The following TVP23A variants were observed in gnomAD, a reference collection of about 807,000 sequenced individuals.
TVP23A encodes the protein trans-golgi network vesicle protein 23 homolog A.
TVP23A carries 21 observed loss-of-function variants against 31.7 expected under a neutral mutation model. The ratio of observed to expected loss-of-function variants is 0.66; its 90% CI spans 0.47 to 0.95. The LOEUF (loss-of-function observed/expected upper bound fraction) is 0.95, where lower values mean the gene tolerates loss of function less well. TVP23A is among the 40% of genes least tolerant of loss of function. The probability of loss-of-function intolerance (pLI) is 0.00; values close to 1 mark genes in which losing one functional copy is unlikely to be tolerated. For synonymous variants in TVP23A, 104 were observed against 96.0 expected (o/e 1.08, Z -0.49); for missense variants, 279 against 255.6 (o/e 1.09, Z -0.62).
chr16:10,758,078 A>G (rs371386874), downstream of TVP23A: 1,285 of 1,588,280 alleles, frequency 8.1e-4, 10 homozygotes, highest in East Asian at 9.0e-4. Flanking sequence ...CCACACTGTG[A>G]GATTTCTTTC....
rs182223069 is a variant in TVP23A at position 10,787,628 on chromosome 16, T to C, written c.90-12532A>G. Among the ~76,000 whole-genome samples, 5 of 152,302 alleles carry C rather than the reference T, an allele frequency of 3.3e-5. No individual in the cohort carries two copies. The East Asian group carries it at 9.7e-4, about 29-fold the overall frequency. ...TGTGGGCTCTATGTAAATCAGACAC[T>C]GCCTCCTTAAGCCTGTCTATAAAAT... On this transcript the variant is annotated intron_variant, in intron 2 of 7. Transcript: ENST00000299866.
rs969812242 is a variant in TVP23A, at chr16:10,789,665, T to TAAA, written c.90-14572_90-14570dup. On this transcript the variant is annotated intron_variant, in intron 2 of 7. Coordinates refer to ENST00000299866, the MANE Select transcript of TVP23A (RefSeq NM_001079512.4). ...TCAACACGTGAAACCCCATCTCTAC[T>TAAA]AAAAAAAAAAAAAAAAAAAAAAAGC... Among the ~76,000 whole-genome samples, 88 of 55,316 alleles carry TAAA rather than the reference T, an allele frequency of 1.6e-3. 3 individuals carry two copies. The highest frequency in any genetic ancestry group is 4.0e-3 in the African/African-American group (56 of 14,048). 36.3% of individuals were successfully genotyped at this position (55,316 alleles called of 152,430 possible).
chr16:10,801,559 C>T (rs1195687279), intron 2 of TVP23A, among the ~76,000 whole-genome samples: 2 of 152,068 alleles, frequency 1.3e-5, no homozygotes, highest in East Asian at 1.9e-4. Flanking sequence ...TGGGTTCAAG[C>T]GATTCTCATC....
downstream of TVP23A, chr16:10,761,693 T>C: frequency 7.8e-7 from 1 of 1,275,100 alleles, no homozygotes; most frequent in Non-Finnish European, 1.1e-6. Context: ...TTCTTTAAAA[T>C]GTGGTCCATC....
At chr16:10,801,947 G>A (rs2033713444) in intron 2 of TVP23A, among the ~76,000 whole-genome samples, 1 of 152,028 alleles carries the variant, frequency 6.6e-6, no homozygotes, top group African/African-American at 2.4e-5. Flanking sequence ...AAGGCAGGAG[G>A]ATTGCTTGAG....
At chr16:10,799,096 C>T (rs908111599) in intron 2 of TVP23A, among the ~76,000 whole-genome samples, 3 of 152,206 alleles carry the variant, frequency 2.0e-5, no homozygotes, top group Non-Finnish European at 2.9e-5. Context: ...CATGGGAGGA[C>T]GCCATCTTGG....
intron 4 of TVP23A, 51 bp downstream of exon 4, chr16:10,773,988 T>C: frequency 1.4e-6 from 2 of 1,450,794 alleles, no homozygotes; most frequent in Non-Finnish European, 1.9e-6. Flanking sequence ...ACAGAAACTT[T>C]CCACACCCAT....
chr16:10,781,106 A>C (rs1219810125), intron 2 of TVP23A, among the ~76,000 whole-genome samples: 2 of 152,144 alleles, frequency 1.3e-5, no homozygotes, highest in African/African-American at 2.4e-5. Context: ...AGGTGGGCAG[A>C]TTACTTGAGG....
In TVP23A at chr16:10,818,027, T is replaced by G; in HGVS notation, c.89+76A>C. 7.8e-7 allele frequency: 1 copy of G among 1,288,272 alleles called. No homozygotes were observed. The highest frequency in any genetic ancestry group is 2.5e-5 in the East Asian group (1 of 39,952). 79.8% of individuals were successfully genotyped at this position (1,288,272 alleles called of 1,614,324 possible). A position where few individuals can be genotyped will look rare whatever the true frequency, so the allele number is the denominator to read the frequency against. On this transcript the variant is annotated intron_variant, in intron 2 of 7. Transcript: ENST00000299866. This position sits in a 1 kb window ranked among gnomAD's most constrained non-coding sequence, Gnocchi z 4.7. ...GGCACACAGTAGGTGCTCAATATAT[T>G]TTGAATGAATGAGTGAGTAAATGAA... is the stretch of plus-strand genomic sequence containing the variant.
At chr16:10,811,049 T>C (rs543489172) in intron 2 of TVP23A, among the ~76,000 whole-genome samples, 2 of 152,154 alleles carry the variant, frequency 1.3e-5, no homozygotes, top group Non-Finnish European at 2.9e-5. Context: ...AACAGGCAAA[T>C]TCATAGGAAC....
chr16:10,762,445 C>T (rs369174939), downstream of TVP23A, among the ~76,000 whole-genome samples: 5 of 152,334 alleles, frequency 3.3e-5, no homozygotes, highest in African/African-American at 4.8e-5. Flanking sequence ...CGGGGTTTCA[C>T]GTCTCCACCC....
Position 10,767,966 on chromosome 16 carries a change from G to C in TVP23A, c.*1136C>G. On this transcript the variant is annotated 3_prime_UTR_variant, in exon 8 of 8. Transcript: ENST00000299866. This position sits in a 1 kb window ranked among gnomAD's most constrained non-coding sequence, Gnocchi z 4.6. ...TTTTTAAGGTAAGAATTGTGACAAA[G>C]GCCAGTCTTTTTTCATTGACGCCCC... The C allele has an allele frequency of 1.9e-6, 3 of 1,614,174 alleles. No individual in the cohort carries two copies. Among genetic ancestry groups the C allele is most frequent in the African/African-American group, 1.3e-5 (1 of 75,062 alleles).
In TVP23A at chr16:10,777,739, T is replaced by C. The variant is rs8060272; in HGVS notation, c.90-2643A>G. Among the ~76,000 whole-genome samples the C allele has an allele frequency of 0.13, 19,987 of 152,108 alleles. 2,731 individuals carry two copies. Among genetic ancestry groups the C allele is most frequent in the East Asian group, 0.44 (2,292 of 5,158 alleles). ...GAATTAGACAGGATCAAGCCGGGCGTGGTGGCTCACGCCTGTAATCCCAGC... is the reference window on the plus strand; with the variant it reads ...GAATTAGACAGGATCAAGCCGGGCGCGGTGGCTCACGCCTGTAATCCCAGC... On this transcript the variant is annotated intron_variant, in intron 2 of 7. Transcript: ENST00000299866. This position sits in a 1 kb window ranked among gnomAD's most constrained non-coding sequence, Gnocchi z 4.5.
chr16:10,775,702 G>C (rs1457222450), intron 2 of TVP23A, among the ~76,000 whole-genome samples: 1 of 151,822 alleles, frequency 6.6e-6, no homozygotes, highest in East Asian at 1.9e-4. Context: ...AAAGAAGAGA[G>C]GGAGCCAAGG....
intron 2 of TVP23A, among the ~76,000 whole-genome samples, chr16:10,780,980 A>G (rs1033542752): frequency 2.0e-5 from 3 of 152,156 alleles, no homozygotes; most frequent in Admixed American, 1.3e-4. Context: ...CAACTTGAAC[A>G]GGTGCTATTT....
intron 2 of TVP23A, among the ~76,000 whole-genome samples, chr16:10,798,239 G>T (rs142168641): frequency 1.3e-5 from 2 of 151,954 alleles, no homozygotes; most frequent in African/African-American, 2.4e-5. Context: ...GATTACAGGT[G>T]TGCGCCCGCG....
Position 10,766,729 on chromosome 16 carries a change from G to T in TVP23A, c.*2373C>A, listed in dbSNP as rs947225915. Reference sequence around the variant, plus strand: ...AATGAAAGTCAACTCCACGGTGTGGGAGGAGAACGGGCCTGAGAATAGGGG... The same window carrying T: ...AATGAAAGTCAACTCCACGGTGTGGTAGGAGAACGGGCCTGAGAATAGGGG... On this transcript the variant is annotated 3_prime_UTR_variant, in exon 8 of 8. Transcript: ENST00000299866. The surrounding 1 kb of genome is among the most constrained non-coding windows in gnomAD (Gnocchi z 4.8). 28 of 392,450 alleles carry T rather than the reference G, an allele frequency of 7.1e-5. No homozygotes were observed. The highest frequency in any genetic ancestry group is 5.2e-4 in the African/African-American group (25 of 48,508). 24.3% of individuals were successfully genotyped at this position (392,450 alleles called of 1,614,324 possible).
At chr16:10,762,065 G>A (rs2030002443), downstream of TVP23A, 1 of 515,578 alleles carries the variant, frequency 1.9e-6, no homozygotes, top group African/African-American at 1.9e-5. Flanking sequence ...GCGGGAGCAA[G>A]CAGGCCTCAG....
At chr16:10,774,905 C>T in intron 3 of TVP23A, 47 bp downstream of exon 3, 3 of 1,561,776 alleles carry the variant, frequency 1.9e-6, no homozygotes, top group Non-Finnish European at 2.6e-6. Flanking sequence ...ACACAGGGGA[C>T]AAGCCTCGTG....
Sources: allele counts gnomAD v4.1 joint callset (sites outside exome capture counted in the v4.1 genomes callset), GRCh38; gene constraint gnomAD v4.1.1; non-coding constraint Gnocchi (gnomAD v3.1); transcripts MANE v1.5; gene names NCBI Gene and HGNC (gene_info 2026-07-23, HGNC 2026-07-21).